NCEH1: variants seen among roughly 807,000 people sequenced by gnomAD.
The protein encoded by NCEH1 is 2-acetyl MAGE hydrolase.
Under a neutral mutation model 25.4 loss-of-function variants are expected in NCEH1, and 9 were observed. The ratio of observed to expected loss-of-function variants is 0.35; its 90% CI spans 0.21 to 0.62. The LOEUF is 0.62. NCEH1 is among the 20% of genes least tolerant of loss of function. NCEH1 has a pLI of 0.72. For synonymous variants in NCEH1, 200 were observed against 199.8 expected (o/e 1.00, Z -0.01); for missense variants, 412 against 501.1 (o/e 0.82, Z 1.70).
At chr3:172,678,733 C>T (rs1466097933) in intron 1 of NCEH1, among the ~76,000 whole-genome samples, 2 of 152,132 alleles carry the variant, frequency 1.3e-5, no homozygotes. Flanking sequence ...TAAAGGGGCA[C>T]AACTGCAGGC....
chr3:172,698,782 A>C (rs913868787), intron 1 of NCEH1, among the ~76,000 whole-genome samples: 4 of 152,264 alleles, frequency 2.6e-5, no homozygotes, highest in African/African-American at 4.8e-5. Flanking sequence ...CGAGGCTTGC[A>C]AAACACAGTT....
At chr3:172,706,643 C>A (rs914581380) in intron 1 of NCEH1, among the ~76,000 whole-genome samples, 1 of 151,712 alleles carries the variant, frequency 6.6e-6, no homozygotes, top group Non-Finnish European at 1.5e-5. Context: ...GAATTACAGG[C>A]GCGCACCACT....
chr3:172,672,319 G>A (rs1670495536), intron 1 of NCEH1, among the ~76,000 whole-genome samples: 1 of 152,168 alleles, frequency 6.6e-6, no homozygotes, highest in Non-Finnish European at 1.5e-5. Flanking sequence ...GCCTGCCTTA[G>A]CCTCCCAAAG....
At chr3:172,663,533 G>A (rs148756312) in intron 1 of NCEH1, among the ~76,000 whole-genome samples, 4 of 152,216 alleles carry the variant, frequency 2.6e-5, no homozygotes, top group East Asian at 1.9e-4. Flanking sequence ...TTTCTGCCTC[G>A]TTGATCTGTC....
chr3:172,698,641 A>T (rs1445669061), intron 1 of NCEH1, among the ~76,000 whole-genome samples: 2 of 152,242 alleles, frequency 1.3e-5, no homozygotes, highest in Admixed American at 1.3e-4. Context: ...AATGTGGAAA[A>T]TCACCAGTGT....
chr3:172,637,907 C>T (rs768841378), intron 3 of NCEH1, among the ~76,000 whole-genome samples: 11 of 148,216 alleles, frequency 7.4e-5, no homozygotes, highest in Admixed American at 4.0e-4. Context: ...AATAGCCGGG[C>T]ATGGTGGTAT....
At chr3:172,690,278 T>TC (rs1712963592) in intron 1 of NCEH1, among the ~76,000 whole-genome samples, 1 of 152,168 alleles carries the variant, frequency 6.6e-6, no homozygotes, top group Non-Finnish European at 1.5e-5. Flanking sequence ...TACTGCTCTT[T>TC]CCCCAGAATA....
intron 1 of NCEH1, among the ~76,000 whole-genome samples, chr3:172,701,201 A>G (rs1713655459): frequency 6.6e-6 from 1 of 152,144 alleles, no homozygotes; most frequent in Non-Finnish European, 1.5e-5. Context: ...GTCCACTGAC[A>G]CTTCAAAACA....
At chr3:172,651,450 G>C (rs1471473300) in intron 1 of NCEH1, among the ~76,000 whole-genome samples, 1 of 151,854 alleles carries the variant, frequency 6.6e-6, no homozygotes, top group East Asian at 1.9e-4. Context: ...AAATTCAGTA[G>C]CCACACCTTT....
At chr3:172,635,791 A>C in intron 4 of NCEH1, 125 bp downstream of exon 4, 1 of 761,658 alleles carries the variant, frequency 1.3e-6, no homozygotes, top group South Asian at 1.8e-5. Flanking sequence ...CACATGAACA[A>C]TTTGGCCATC....
chr3:172,677,893 A>C (rs1712111986), intron 1 of NCEH1, among the ~76,000 whole-genome samples: 1 of 152,250 alleles, frequency 6.6e-6, no homozygotes, highest in African/African-American at 2.4e-5. Flanking sequence ...GTGCCACTGC[A>C]CTCCAGCCTG....
intron 1 of NCEH1, among the ~76,000 whole-genome samples, chr3:172,676,223 T>C (rs1577076905): frequency 6.6e-6 from 1 of 152,108 alleles, no homozygotes; most frequent in East Asian, 1.9e-4. Context: ...GCTTTTTCTG[T>C]TAATAAAAGC....
At chr3:172,681,695 G>C (rs6762663) in intron 1 of NCEH1, among the ~76,000 whole-genome samples, 1,595 of 143,454 alleles carry the variant, frequency 0.011, 18 homozygotes, top group Middle Eastern at 0.023. Flanking sequence ...TTCGAGACCA[G>C]CCTGGCCAAG....
chr3:172,698,225 C>T (rs1032669115), intron 1 of NCEH1, among the ~76,000 whole-genome samples: 39 of 152,202 alleles, frequency 2.6e-4, no homozygotes, highest in African/African-American at 9.4e-4. Context: ...GATATGCCTG[C>T]CTCAGCCTCT....
intron 3 of NCEH1, among the ~76,000 whole-genome samples, chr3:172,639,067 A>G (rs374982420): frequency 1.3e-5 from 2 of 152,192 alleles, no homozygotes; most frequent in East Asian, 1.9e-4. Flanking sequence ...TGGGGAGGCC[A>G]AGGTGCGCGG....
intron 1 of NCEH1, among the ~76,000 whole-genome samples, chr3:172,653,761 T>G (rs1237091736): frequency 3.1e-5 from 2 of 65,270 alleles, no homozygotes; most frequent in South Asian, 5.1e-4. Context: ...TGTTTTTTTG[T>G]TTTTTTTTTT....
chr3:172,678,188 C>CT (rs1712123953), intron 1 of NCEH1, among the ~76,000 whole-genome samples: 1 of 152,212 alleles, frequency 6.6e-6, no homozygotes, highest in Non-Finnish European at 1.5e-5. Flanking sequence ...AGCTGATCTG[C>CT]TGGGCTGGTT....
At chr3:172,670,367 C>T (rs1328784211) in intron 1 of NCEH1, among the ~76,000 whole-genome samples, 2 of 152,114 alleles carry the variant, frequency 1.3e-5, no homozygotes, top group African/African-American at 4.8e-5. Flanking sequence ...GTTACTACAG[C>T]GTTTATACTT....
At chr3:172,688,785 T>C (rs1199720234) in intron 1 of NCEH1, among the ~76,000 whole-genome samples, 1 of 152,252 alleles carries the variant, frequency 6.6e-6, no homozygotes, top group East Asian at 1.9e-4. Flanking sequence ...TCACAGGCAA[T>C]GCTACAAGGT....
Sources: allele counts gnomAD v4.1 joint callset (sites outside exome capture counted in the v4.1 genomes callset), GRCh38; gene constraint gnomAD v4.1.1; transcripts MANE v1.5; gene names NCBI Gene and HGNC (gene_info 2026-07-23, HGNC 2026-07-21).